GRK5: variants seen among roughly 807,000 people sequenced by gnomAD.
The protein encoded by GRK5 is G protein-coupled receptor kinase 5.
GRK5 carries 40 observed loss-of-function variants against 78.4 expected under a neutral mutation model. That is an observed-to-expected ratio of 0.51 (90% CI 0.40 to 0.66). The LOEUF is 0.66. Among genes scored for constraint, GRK5 ranks in the 30% least tolerant of loss-of-function variants. GRK5 has a pLI of 0.00. For missense variants in GRK5, 598 were observed against 759.9 expected, an observed-to-expected ratio of 0.79 and a Z score of 2.50; for synonymous variants, 289 against 296.8, an observed-to-expected ratio of 0.97 and a Z score of 0.27.
intron 2 of GRK5, among the ~76,000 whole-genome samples, chr10:119,361,647 G>T (rs74940237): frequency 1.8e-3 from 267 of 152,250 alleles, no homozygotes; most frequent in African/African-American, 6.2e-3. Flanking sequence ...GCCCGGCAGT[G>T]GGGGAGGCGC....
chr10:119,325,605 C>T (rs900601278), intron 1 of GRK5, among the ~76,000 whole-genome samples: 21 of 152,272 alleles, frequency 1.4e-4, no homozygotes, highest in Admixed American at 5.2e-4. Flanking sequence ...GAGTGGGTGA[C>T]GGCACCTTGG....
At chr10:119,448,592 G>T (rs533493670) in intron 13 of GRK5, among the ~76,000 whole-genome samples, 1 of 152,348 alleles carries the variant, frequency 6.6e-6, no homozygotes, top group Admixed American at 6.5e-5. Context: ...CTGCCTGGGA[G>T]ATTTGAGGGT....
chr10:119,296,758 G>A (rs1850089223), intron 1 of GRK5, among the ~76,000 whole-genome samples: 1 of 152,208 alleles, frequency 6.6e-6, no homozygotes, highest in Non-Finnish European at 1.5e-5. Flanking sequence ...CTTGAGGGGG[G>A]TTGTATATAT....
chr10:119,257,526 C>A (rs1273770707), intron 1 of GRK5, among the ~76,000 whole-genome samples: 1 of 152,126 alleles, frequency 6.6e-6, no homozygotes, highest in Non-Finnish European at 1.5e-5. Context: ...GAGTTTGAGA[C>A]CAGCCTGGCC....
intron 3 of GRK5, among the ~76,000 whole-genome samples, chr10:119,394,181 GGTGT>G (rs1851944344): frequency 4.8e-4 from 16 of 33,350 alleles, no homozygotes; most frequent in South Asian, 1.0e-3. Context: ...TGTGTGTGTG[GGTGT>G]CTGTGTATGG....
chr10:119,416,814 G>A (rs748285117), intron 4 of GRK5, among the ~76,000 whole-genome samples: 3 of 152,086 alleles, frequency 2.0e-5, no homozygotes, highest in Admixed American at 6.5e-5. Flanking sequence ...GGCTGGACTC[G>A]AACTCCTGAC....
chr10:119,212,785 G>C (rs1848509221), intron 1 of GRK5: 1 of 152,240 alleles, frequency 6.6e-6, no homozygotes, highest in East Asian at 1.9e-4. Flanking sequence ...GACACATTGA[G>C]AAGATAATTA....
chr10:119,331,790 T>C (rs1452424033), intron 2 of GRK5, among the ~76,000 whole-genome samples: 3 of 152,180 alleles, frequency 2.0e-5, no homozygotes, highest in African/African-American at 4.8e-5. Context: ...GCCAGGGTGA[T>C]TTTTGAAAAA....
chr10:119,249,186 A>C (rs1469739140), intron 1 of GRK5, among the ~76,000 whole-genome samples: 2 of 150,290 alleles, frequency 1.3e-5, no homozygotes, highest in Non-Finnish European at 3.0e-5. Context: ...CAGGAGAATA[A>C]CTTGAACCCA....
intron 2 of GRK5, among the ~76,000 whole-genome samples, chr10:119,373,020 C>A (rs887831005): frequency 6.6e-6 from 1 of 152,226 alleles, no homozygotes; most frequent in Non-Finnish European, 1.5e-5. Context: ...TAGAAACACT[C>A]ATAGCAATTC....
intron 2 of GRK5, among the ~76,000 whole-genome samples, chr10:119,359,032 AT>A (rs1426367665): frequency 7.9e-5 from 12 of 152,128 alleles, no homozygotes; most frequent in Admixed American, 2.0e-4. Flanking sequence ...ATATAGTCAC[AT>A]TGGGGGTTAG....
chr10:119,357,311 C>T (rs191546583), intron 2 of GRK5, among the ~76,000 whole-genome samples: 1 of 152,334 alleles, frequency 6.6e-6, no homozygotes, highest in East Asian at 1.9e-4. Flanking sequence ...ATTCCCTCAG[C>T]ACTAGAGAAG....
chr10:119,386,073 C>T (rs941453550), intron 3 of GRK5, among the ~76,000 whole-genome samples: 6 of 152,130 alleles, frequency 3.9e-5, no homozygotes, highest in African/African-American at 1.4e-4. Flanking sequence ...TTTGTAGAGA[C>T]AGAGTTTTGC....
Position 119,217,202 on chromosome 10 carries a change from G to A in GRK5, c.52+9233G>A, listed in dbSNP as rs961561986. On this transcript the variant is annotated intron_variant, in intron 1 of 15. Transcript: ENST00000392870. The surrounding 1 kb of genome is among the most constrained non-coding windows in gnomAD (Gnocchi z 4.1). ...AGAGTGTCTTTGTCAGATTCCCTGGGAAAAGGGGCAAATTGGGAATATAAT... is the reference window on the plus strand; with the variant it reads ...AGAGTGTCTTTGTCAGATTCCCTGGAAAAAGGGGCAAATTGGGAATATAAT... Among the ~76,000 whole-genome samples the A allele has an allele frequency of 6.6e-6, 1 of 152,134 alleles. No homozygotes were observed. Among genetic ancestry groups the A allele is most frequent in the African/African-American group, 2.4e-5 (1 of 41,432 alleles).
At chr10:119,413,512 G>C (rs1852384617) in intron 4 of GRK5, among the ~76,000 whole-genome samples, 1 of 151,906 alleles carries the variant, frequency 6.6e-6, no homozygotes, top group African/African-American at 2.4e-5. Context: ...GAGATTGCAG[G>C]GTTTGGAACT....
chr10:119,306,767 T>C (rs1027357389), intron 1 of GRK5, among the ~76,000 whole-genome samples: 1 of 152,130 alleles, frequency 6.6e-6, no homozygotes, highest in African/African-American at 2.4e-5. Context: ...GCAGACATTC[T>C]GCTGGGGAGC....
chr10:119,295,766 G>A (rs1162583118), intron 1 of GRK5, among the ~76,000 whole-genome samples: 1 of 152,066 alleles, frequency 6.6e-6, no homozygotes, highest in Non-Finnish European at 1.5e-5. Flanking sequence ...AGGACACGAA[G>A]GCATAAGAAT....
intron 1 of GRK5, among the ~76,000 whole-genome samples, chr10:119,255,432 A>G (rs1849265833): frequency 6.6e-6 from 1 of 152,124 alleles, no homozygotes; most frequent in Admixed American, 6.5e-5. Context: ...CTCCCTTCTG[A>G]GTCCCTCTGC....
At chr10:119,216,031 T>C (rs569345881) in intron 1 of GRK5, among the ~76,000 whole-genome samples, 49 of 152,320 alleles carry the variant, frequency 3.2e-4, no homozygotes, top group African/African-American at 1.2e-3. Context: ...TTGAAAATGG[T>C]TTTCTCCTTA....
Sources: allele counts gnomAD v4.1 joint callset (sites outside exome capture counted in the v4.1 genomes callset), GRCh38; gene constraint gnomAD v4.1.1; non-coding constraint Gnocchi (gnomAD v3.1); transcripts MANE v1.5; gene names NCBI Gene and HGNC (gene_info 2026-07-23, HGNC 2026-07-21).